The following UNK variants were observed in gnomAD, a reference collection of about 807,000 sequenced individuals.
UNK encodes the protein RING finger protein unkempt homolog.
A neutral mutation model predicts 97.6 loss-of-function variants in UNK; 32 were observed. The ratio of observed to expected loss-of-function variants is 0.33; its 90% CI spans 0.25 to 0.44. The LOEUF is 0.44. Ranked by LOEUF, UNK falls within the 20% of genes least tolerant of loss-of-function variation. The pLI, the probability that UNK is intolerant of heterozygous loss-of-function variation, is 1.00. For synonymous variants in UNK, 441 were observed against 461.2 expected (o/e 0.96, Z 0.56); for missense variants, 771 against 1,098.4 (o/e 0.70, Z 4.21).
At chr17:75,794,662 T>C (rs1443848607) in intron 1 of UNK, among the ~76,000 whole-genome samples, 2 of 151,894 alleles carry the variant, frequency 1.3e-5, no homozygotes, top group African/African-American at 2.4e-5. Flanking sequence ...AATGCTTAGT[T>C]AATAGTCAGC....
intron 1 of UNK, among the ~76,000 whole-genome samples, chr17:75,788,598 C>T (rs140422568): frequency 6.6e-6 from 1 of 152,142 alleles, no homozygotes; most frequent in Non-Finnish European, 1.5e-5. Context: ...GTGATCTGCC[C>T]GCCTCGGCCT....
intron 1 of UNK, chr17:75,793,643 A>T: frequency 1.0e-6 from 1 of 985,410 alleles, no homozygotes. Flanking sequence ...GAACTTATTG[A>T]ACTGTTTCCT....
In UNK at chr17:75,818,488, G is replaced by T. The variant is rs560750474; in HGVS notation, c.1372-154G>T. On this transcript the variant is annotated intron_variant, in intron 10 of 15. Coordinates refer to ENST00000589666, the MANE Select transcript of UNK (RefSeq NM_001080419.3). This position sits in a 1 kb window ranked among gnomAD's most constrained non-coding sequence, Gnocchi z 5.1. The stretch of plus-strand genomic sequence containing the variant: ...CCTCCAACTCCATGCTCTCAACAAG[G>T]TGTCGGGTGTGCCGGGGCCCATGTG... Among the ~76,000 whole-genome samples, 18 of 152,276 alleles carry T rather than the reference G, an allele frequency of 1.2e-4. 1 individual carries two copies. The South Asian group carries it at 3.1e-3, about 26-fold the overall frequency.
chr17:75,805,411 A>C (rs2061903391), intron 1 of UNK, among the ~76,000 whole-genome samples: 1 of 151,084 alleles, frequency 6.6e-6, no homozygotes, highest in African/African-American at 2.4e-5. Context: ...AAAAAAAAAA[A>C]AAAACAAGCC....
At chr17:75,789,822 T>C (rs1281604618) in intron 1 of UNK, among the ~76,000 whole-genome samples, 1 of 152,176 alleles carries the variant, frequency 6.6e-6, no homozygotes, top group East Asian at 1.9e-4. Context: ...TTTGGCTTTT[T>C]GCTGTATTAA....
intron 3 of UNK, 62 bp downstream of exon 3, chr17:75,812,350 G>T (rs759386397): frequency 1.9e-6 from 3 of 1,579,740 alleles, no homozygotes; most frequent in Non-Finnish European, 2.6e-6. Context: ...GGGGCCTGGC[G>T]GCTAATGATG....
At chr17:75,798,931 G>T (rs960695559) in intron 1 of UNK, among the ~76,000 whole-genome samples, 2 of 152,076 alleles carry the variant, frequency 1.3e-5, no homozygotes, top group Non-Finnish European at 2.9e-5. Flanking sequence ...GCCAGGCGTG[G>T]TGGCGGGCGC....
chr17:75,786,768 A>C (rs2061715743), intron 1 of UNK, among the ~76,000 whole-genome samples: 1 of 152,142 alleles, frequency 6.6e-6, no homozygotes, highest in African/African-American at 2.4e-5. Flanking sequence ...GAGGCAGGAG[A>C]ATCGCTTGAA....
chr17:75,793,450 A>AGG, intron 1 of UNK: 1 of 985,384 alleles, frequency 1.0e-6, no homozygotes, highest in African/African-American at 1.7e-5. Flanking sequence ...CAGTGTGTAG[A>AGG]ATTTGACAGC....
intron 1 of UNK, among the ~76,000 whole-genome samples, chr17:75,806,880 T>C (rs1252293945): frequency 6.6e-6 from 1 of 152,182 alleles, no homozygotes; most frequent in East Asian, 1.9e-4. Context: ...GAAGTCAGTT[T>C]AGGAAAAGGT....
At chr17:75,820,984 T>G (rs1261618178) in intron 13 of UNK, among the ~76,000 whole-genome samples, 1 of 152,212 alleles carries the variant, frequency 6.6e-6, no homozygotes, top group African/African-American at 2.4e-5. Flanking sequence ...CTCTGTTACG[T>G]TGATTCTGTC....
intron 5 of UNK, 62 bp from the exon 6 acceptor site, chr17:75,813,699 C>A (rs2061990934): frequency 1.4e-6 from 2 of 1,440,914 alleles, no homozygotes; most frequent in Admixed American, 2.1e-5. Context: ...CCAGGTGGCA[C>A]CTGCTAGGCT....
intron 1 of UNK, among the ~76,000 whole-genome samples, chr17:75,799,684 A>G (rs1395868864): frequency 6.6e-6 from 1 of 152,170 alleles, no homozygotes; most frequent in African/African-American, 2.4e-5. Flanking sequence ...GTCAGAATCC[A>G]CTGTGGTGGC....
At chr17:75,790,915 G>T (rs1425919447) in intron 1 of UNK, among the ~76,000 whole-genome samples, 1 of 151,972 alleles carries the variant, frequency 6.6e-6, no homozygotes, top group Non-Finnish European at 1.5e-5. Flanking sequence ...ACTCCAGCCT[G>T]GGCAACAGAG....
Position 75,816,402 on chromosome 17 carries a change from G to A in UNK, c.962-368G>A, listed in dbSNP as rs545609819. Among the ~76,000 whole-genome samples, 35 of 152,308 alleles carry A rather than the reference G, an allele frequency of 2.3e-4. No homozygotes were observed. Among genetic ancestry groups the A allele is most frequent in the Admixed American group, 9.2e-4 (14 of 15,290 alleles). ...GGCATTGGGACCGCCTGGCTGAGACGGCATAAGGAAGTGATTCAGGCTTTG... is the reference window on the plus strand; with the variant it reads ...GGCATTGGGACCGCCTGGCTGAGACAGCATAAGGAAGTGATTCAGGCTTTG... On this transcript the variant is annotated intron_variant, in intron 7 of 15. Coordinates refer to ENST00000589666, the MANE Select transcript of UNK (RefSeq NM_001080419.3). This position sits in a 1 kb window ranked among gnomAD's most constrained non-coding sequence, Gnocchi z 4.0.
At position 75,816,409 on chromosome 17, in the gene UNK, G is replaced by A. The variant is rs2062016310; in HGVS notation, c.962-361G>A. 1.3e-5 allele frequency among the ~76,000 whole-genome samples: 2 copies of A among 152,218 alleles called. No homozygotes were observed. Among genetic ancestry groups the A allele is most frequent in the Admixed American group, 6.5e-5 (1 of 15,282 alleles). ...GGACCGCCTGGCTGAGACGGCATAA[G>A]GAAGTGATTCAGGCTTTGGAGTTGT... is the stretch of plus-strand genomic sequence containing the variant. On this transcript the variant is annotated intron_variant, in intron 7 of 15. Transcript: ENST00000589666. This position sits in a 1 kb window ranked among gnomAD's most constrained non-coding sequence, Gnocchi z 4.0.
chr17:75,819,343 G>A lies in UNK; in HGVS notation c.1547-341G>A, dbSNP rs2062045047. On this transcript the variant is annotated intron_variant, in intron 11 of 15. Transcript: ENST00000589666. This position sits in a 1 kb window ranked among gnomAD's most constrained non-coding sequence, Gnocchi z 5.4. ...CCAGCCACTGAGTGCCCAGAGACCC[G>A]CCCACCCCCACTGATCCCGGGGCTG... 6.0e-6 allele frequency: 2 copies of A among 332,936 alleles called. No homozygotes were observed. The highest frequency in any genetic ancestry group is 1.1e-5 in the Non-Finnish European group (2 of 178,000). 20.6% of individuals were successfully genotyped at this position (332,936 alleles called of 1,614,324 possible).
chr17:75,794,201 T>A (rs1323757498), intron 1 of UNK: 3 of 962,358 alleles, frequency 3.1e-6, no homozygotes, highest in African/African-American at 3.5e-5. Context: ...AAAGTGAACA[T>A]TTCTGTTTTT....
At chr17:75,810,026 C>A (rs987928815) in intron 2 of UNK, 57 bp downstream of exon 2, 7 of 1,595,696 alleles carry the variant, frequency 4.4e-6, no homozygotes, top group Non-Finnish European at 5.1e-6. Context: ...GGTCAGATGC[C>A]CTCAGGGTAG....
Sources: allele counts gnomAD v4.1 joint callset (sites outside exome capture counted in the v4.1 genomes callset), GRCh38; gene constraint gnomAD v4.1.1; non-coding constraint Gnocchi (gnomAD v3.1); transcripts MANE v1.5; gene names NCBI Gene and HGNC (gene_info 2026-07-23, HGNC 2026-07-21).